PTPRG: variants seen among roughly 807,000 people sequenced by gnomAD.
PTPRG encodes the protein protein tyrosine phosphatase receptor type G.
A neutral mutation model predicts 165.3 loss-of-function variants in PTPRG; 102 were observed. The ratio of observed to expected loss-of-function variants is 0.62; its 90% CI spans 0.53 to 0.73. PTPRG has a LOEUF of 0.73. Among genes scored for constraint, PTPRG ranks in the 30% least tolerant of loss-of-function variants. PTPRG has a pLI of 0.00. For synonymous variants in PTPRG, 675 were observed against 669.5 expected (o/e 1.01, Z -0.13); for missense variants, 1,866 against 1,861.4 (o/e 1.00, Z -0.05).
intron 6 of PTPRG, among the ~76,000 whole-genome samples, chr3:62,138,156 T>C (rs1226227421): frequency 2.0e-5 from 3 of 152,232 alleles, no homozygotes; most frequent in Non-Finnish European, 2.9e-5. Context: ...ACAACCCATT[T>C]TGGACTCAAA....
chr3:62,239,364 T>C (rs765877190), intron 14 of PTPRG, among the ~76,000 whole-genome samples: 163 of 146,198 alleles, frequency 1.1e-3, no homozygotes, highest in South Asian at 2.4e-3. Flanking sequence ...TTCTTTCTTT[T>C]TTTTTTTTTT....
At chr3:61,579,139 G>T (rs554286190) in intron 1 of PTPRG, among the ~76,000 whole-genome samples, 1 of 152,318 alleles carries the variant, frequency 6.6e-6, no homozygotes, top group East Asian at 1.9e-4. Context: ...AGACTTCAGA[G>T]TGACTCTGAA....
At chr3:62,192,628 G>T (rs1292496280) in intron 9 of PTPRG, among the ~76,000 whole-genome samples, 1 of 151,796 alleles carries the variant, frequency 6.6e-6, no homozygotes, top group Non-Finnish European at 1.5e-5. Flanking sequence ...AGCCAGGATG[G>T]TCTCCATCTC....
At chr3:62,262,230 T>C (rs1462028625) in intron 16 of PTPRG, 1 of 152,222 alleles carries the variant, frequency 6.6e-6, no homozygotes, top group Non-Finnish European at 1.5e-5. Flanking sequence ...ATATATGAGA[T>C]ATGACCATTA....
At chr3:62,069,706 A>ACG (rs1559779035) in intron 4 of PTPRG, among the ~76,000 whole-genome samples, 1 of 151,620 alleles carries the variant, frequency 6.6e-6, no homozygotes, top group Non-Finnish European at 1.5e-5. Flanking sequence ...ACACGCACAC[A>ACG]CACACACACA....
chr3:61,718,771 T>G (rs1575608227), intron 1 of PTPRG, among the ~76,000 whole-genome samples: 1 of 152,190 alleles, frequency 6.6e-6, no homozygotes, highest in East Asian at 1.9e-4. Flanking sequence ...TGCAGAAAGG[T>G]TTTGATAACC....
intron 14 of PTPRG, among the ~76,000 whole-genome samples, chr3:62,232,827 G>T (rs1224719632): frequency 6.6e-6 from 1 of 152,224 alleles, no homozygotes; most frequent in Admixed American, 6.5e-5. Context: ...GGTATTTATA[G>T]AATCCCTCTG....
Position 61,748,928 on chromosome 3 carries a change from G to T in PTPRG, c.136G>T (p.Ala46Ser), listed in dbSNP as rs1179424376. Residue 46 changes from alanine to serine, a missense_variant, in exon 2 of 30, where the codon GCA becomes TCA. Physicochemically the swap from Ala to Ser is moderately conservative, Grantham distance 99 (BLOSUM62 1). Coordinates refer to ENST00000474889, the MANE Select transcript of PTPRG (RefSeq NM_002841.4). ...GALHENRHGS[A>S]VQIRRRKASG... is the part of the protein sequence containing the mutation. The stretch of plus-strand genomic sequence containing the variant: ...CCTGCACGAGAATAGACACGGCAGC[G>T]CAGTGCAGATCCGCAGGCGCAAGGC... The T allele has an allele frequency of 1.9e-6, 3 of 1,613,012 alleles. No individual in the cohort carries two copies. Among genetic ancestry groups the T allele is most frequent in the African/African-American group, 1.3e-5 (1 of 74,956 alleles).
intron 2 of PTPRG, among the ~76,000 whole-genome samples, chr3:61,867,387 G>A (rs992191345): frequency 2.6e-5 from 4 of 152,184 alleles, no homozygotes; most frequent in African/African-American, 9.7e-5. Context: ...GTTAGTGTAA[G>A]AGGCTATGTG....
At position 62,013,850 on chromosome 3, in the gene PTPRG, T is replaced by C. The variant is rs562977199; in HGVS notation, c.519+10353T>C. Among the ~76,000 whole-genome samples the C allele has an allele frequency of 5.9e-5, 9 of 152,252 alleles. No homozygotes were observed. In the South Asian group the frequency reaches 1.2e-3, roughly 21 times the overall value. ...TATTCTTTTTTGCAACATTTGTTCC[T>C]GGAGCTTTGAACACTATTCTTCTCA... On this transcript the variant is annotated intron_variant, in intron 4 of 29. Transcript: ENST00000474889.
At chr3:62,026,652 C>T (rs1183813992) in intron 4 of PTPRG, among the ~76,000 whole-genome samples, 2 of 151,970 alleles carry the variant, frequency 1.3e-5, no homozygotes, top group Non-Finnish European at 2.9e-5. Context: ...TTTGGGAGGC[C>T]AAGGTCGGTG....
chr3:61,939,928 C>CTTTTTTTTTTTTTTTTTTTTTTTTTT lies in PTPRG; in HGVS notation c.191-49686_191-49661dup, dbSNP rs561334410. Reference sequence around the variant, plus strand: ...TGTCTTGGCTTCCTTACTGACTTGTCTTTTTTTTTTTTTTTTTTTTTTTTT... The same window carrying CTTTTTTTTTTTTTTTTTTTTTTTTTT: ...TGTCTTGGCTTCCTTACTGACTTGTCTTTTTTTTTTTTTTTTTTTTTTTTTTTTTTTTTTTTTTTTTTTTTTTTTTT... On this transcript the variant is annotated intron_variant, in intron 2 of 29. Coordinates refer to ENST00000474889, the MANE Select transcript of PTPRG (RefSeq NM_002841.4). 5.1e-5 allele frequency among the ~76,000 whole-genome samples: 2 copies of CTTTTTTTTTTTTTTTTTTTTTTTTTT among 39,108 alleles called. 1 individual carries two copies. The highest frequency in any genetic ancestry group is 9.2e-5 in the Non-Finnish European group (2 of 21,764). 25.7% of individuals were successfully genotyped at this position (39,108 alleles called of 152,430 possible). A position where few individuals can be genotyped will look rare whatever the true frequency, so the allele number is the denominator to read the frequency against.
rs1371380259 is a variant in PTPRG, at chr3:61,767,239, T to TGAAAA, written c.190+18257_190+18258insGAAAA. Among the ~76,000 whole-genome samples the TGAAAA allele has an allele frequency of 1.4e-4, 10 of 73,080 alleles. 2 individuals carry two copies. The East Asian group carries it at 3.0e-3, about 22-fold the overall frequency. 47.9% of individuals were successfully genotyped at this position (73,080 alleles called of 152,430 possible). A position where few individuals can be genotyped will look rare whatever the true frequency, so the allele number is the denominator to read the frequency against. On this transcript the variant is annotated intron_variant, in intron 2 of 29. Transcript: ENST00000474889. ...AGCCTTGTGACAGCAAGATTCCATC[T>TGAAAA]CAAAAAAAAAAAAAAAAAGAAAGTA...
chr3:61,646,845 G>A (rs142666322), intron 1 of PTPRG, among the ~76,000 whole-genome samples: 110 of 152,154 alleles, frequency 7.2e-4, no homozygotes, highest in East Asian at 3.3e-3. Flanking sequence ...TTGTTATTTC[G>A]AGAATGTCAT....
chr3:61,911,426 A>G (rs143491952), intron 2 of PTPRG, among the ~76,000 whole-genome samples: 1 of 152,138 alleles, frequency 6.6e-6, no homozygotes, highest in South Asian at 2.1e-4. Flanking sequence ...AAATATTTGA[A>G]CCTATTTTTC....
At position 61,841,001 on chromosome 3, in the gene PTPRG, C is replaced by T. The variant is rs866500073; in HGVS notation, c.190+92019C>T. Among the ~76,000 whole-genome samples the T allele has an allele frequency of 3.9e-5, 6 of 152,018 alleles. No individual in the cohort carries two copies. The South Asian group carries it at 1.0e-3, about 26-fold the overall frequency. On this transcript the variant is annotated intron_variant, in intron 2 of 29. Transcript: ENST00000474889. ...TTCACCCTGTTGGCCAGGCTGGTCT[C>T]GAACTCCTGACCTCAAGTGATCCAC...
chr3:61,675,051 A>G (rs891042002), intron 1 of PTPRG, among the ~76,000 whole-genome samples: 3 of 152,246 alleles, frequency 2.0e-5, no homozygotes, highest in African/African-American at 7.2e-5. Context: ...GCATTACCCT[A>G]CCACAGATGT....
At chr3:61,684,078 A>G (rs1703541421) in intron 1 of PTPRG, among the ~76,000 whole-genome samples, 1 of 152,214 alleles carries the variant, frequency 6.6e-6, no homozygotes, top group South Asian at 2.1e-4. Flanking sequence ...TGAGGGAGTC[A>G]TGCTTCCGTT....
At chr3:61,840,043 A>G (rs747061804) in intron 2 of PTPRG, among the ~76,000 whole-genome samples, 4 of 152,218 alleles carry the variant, frequency 2.6e-5, no homozygotes, top group Non-Finnish European at 5.9e-5. Context: ...GCACACATAT[A>G]TTTATGTATA....
Sources: allele counts gnomAD v4.1 joint callset (sites outside exome capture counted in the v4.1 genomes callset), GRCh38; gene constraint gnomAD v4.1.1; transcripts MANE v1.5; gene names NCBI Gene and HGNC (gene_info 2026-07-23, HGNC 2026-07-21).